Variants in LRRTM3 observed in about 807,000 individuals in gnomAD.
LRRTM3 encodes leucine-rich repeat transmembrane neuronal protein 3.
Under a neutral mutation model 44.7 loss-of-function variants are expected in LRRTM3, and 24 were observed. The ratio of observed to expected loss-of-function variants is 0.54; its 90% CI spans 0.39 to 0.76. LRRTM3 has a LOEUF of 0.76. Ranked by LOEUF, LRRTM3 falls within the 30% of genes least tolerant of loss-of-function variation. LRRTM3 has a pLI of 0.00. For missense variants in LRRTM3, 587 were observed against 702.2 expected, an observed-to-expected ratio of 0.84 and a Z score of 1.85; for synonymous variants, 277 against 278.7, an observed-to-expected ratio of 0.99 and a Z score of 0.06.
At chr10:66,994,165 C>T (rs1001641816) in intron 2 of LRRTM3, among the ~76,000 whole-genome samples, 1 of 151,988 alleles carries the variant, frequency 6.6e-6, no homozygotes, top group Admixed American at 6.6e-5. Context: ...GAAGGTCCCT[C>T]GTATAAAAAC....
At chr10:67,071,803 T>G (rs952940813) in intron 2 of LRRTM3, among the ~76,000 whole-genome samples, 9 of 152,172 alleles carry the variant, frequency 5.9e-5, no homozygotes, top group Admixed American at 1.3e-4. Flanking sequence ...ATTTTTCCCT[T>G]TTTCTTTCTA....
chr10:66,928,158 C>T lies in LRRTM3; in HGVS notation c.1242C>T (p.His414=). The T allele has an allele frequency of 2.5e-6, 4 of 1,614,118 alleles. No homozygotes were observed. Among genetic ancestry groups the T allele is most frequent in the Non-Finnish European group, 3.4e-6 (4 of 1,180,040 alleles). ...CAGAGACCGATGCTGACGCCGAGCA[C>T]ATCTCTTTCCATAAAATCATCGCGG... ...PGPETDADAE[H]ISFHKIIAGS... The change falls in exon 2 of 3, where the codon CAC becomes CAT. Residue 414 remains histidine, a synonymous_variant. Transcript: ENST00000361320.
Position 67,013,699 on chromosome 10 carries a change from G to A in LRRTM3, c.1537-83888G>A, listed in dbSNP as rs146642825. ...TAATTAATTTGAAGGAAGGTAATAG[G>A]CAGGTAAAGCAGCTCAGTATAATCA... On this transcript the variant is annotated intron_variant, in intron 2 of 2. Transcript: ENST00000361320. Among the ~76,000 whole-genome samples the A allele has an allele frequency of 1.3e-3, 195 of 152,286 alleles. 3 individuals are homozygous for A. The East Asian group carries it at 0.032, about 25-fold the overall frequency.
chr10:67,014,194 T>C (rs1852513004), intron 2 of LRRTM3, among the ~76,000 whole-genome samples: 1 of 152,220 alleles, frequency 6.6e-6, no homozygotes, highest in Non-Finnish European at 1.5e-5. Flanking sequence ...ATGCATGCTT[T>C]AGTGCTTCAC....
intron 2 of LRRTM3, among the ~76,000 whole-genome samples, chr10:67,051,758 ATTT>A (rs10582679): frequency 0.45 from 64,895 of 144,950 alleles, 14,654 homozygotes; most frequent in Middle Eastern, 0.62. Context: ...CTATCCTACA[ATTT>A]TTTTTTTTTT....
chr10:67,092,936 T>C (rs929974057), intron 2 of LRRTM3, among the ~76,000 whole-genome samples: 1 of 151,964 alleles, frequency 6.6e-6, no homozygotes, highest in African/African-American at 2.4e-5. Context: ...CAATAGCATA[T>C]AACGATTTTC....
intron 2 of LRRTM3, among the ~76,000 whole-genome samples, chr10:67,034,637 C>G (rs1198151229): frequency 6.6e-6 from 1 of 152,152 alleles, no homozygotes; most frequent in Non-Finnish European, 1.5e-5. Flanking sequence ...ACAAGAATGG[C>G]CGTGTGTTCT....
chr10:66,983,518 G>A (rs1434792893), intron 2 of LRRTM3, among the ~76,000 whole-genome samples: 1 of 150,408 alleles, frequency 6.6e-6, no homozygotes, highest in Non-Finnish European at 1.5e-5. Context: ...GTTCTTAATA[G>A]GTAGCCACTG....
At chr10:66,984,756 G>GA (rs1227120233) in intron 2 of LRRTM3, among the ~76,000 whole-genome samples, 3 of 152,172 alleles carry the variant, frequency 2.0e-5, no homozygotes, top group Admixed American at 1.3e-4. Context: ...ACAAAGAAAG[G>GA]AAAACGAAAA....
At chr10:66,974,836 T>A (rs1396819685) in intron 2 of LRRTM3, among the ~76,000 whole-genome samples, 2 of 152,076 alleles carry the variant, frequency 1.3e-5, no homozygotes, top group Admixed American at 1.3e-4. Flanking sequence ...TGTTGAAGAC[T>A]TTCATCTATA....
chr10:67,067,187 T>C (rs765547517), intron 2 of LRRTM3, among the ~76,000 whole-genome samples: 2 of 152,274 alleles, frequency 1.3e-5, no homozygotes, highest in Middle Eastern at 3.4e-3. Flanking sequence ...TAGCAAACTA[T>C]ATGGAGAAAT....
At chr10:66,958,779 A>C (rs1848967145) in intron 2 of LRRTM3, among the ~76,000 whole-genome samples, 1 of 152,144 alleles carries the variant, frequency 6.6e-6, no homozygotes, top group African/African-American at 2.4e-5. Context: ...ACACTCTTGC[A>C]TTTTGAGATC....
chr10:67,035,759 T>C (rs983026712), intron 2 of LRRTM3, among the ~76,000 whole-genome samples: 2 of 150,046 alleles, frequency 1.3e-5, no homozygotes, highest in African/African-American at 2.4e-5. Context: ...TGTATTGAGC[T>C]TTAATGTTAT....
At chr10:67,008,170 T>G (rs2133023595) in intron 2 of LRRTM3, among the ~76,000 whole-genome samples, 1 of 152,216 alleles carries the variant, frequency 6.6e-6, no homozygotes, top group South Asian at 2.1e-4. Flanking sequence ...ATTGATGAGT[T>G]CAGGAAAAAC....
chr10:67,028,629 ACAACAAG>A (rs1853533465), intron 2 of LRRTM3, among the ~76,000 whole-genome samples: 4 of 146,576 alleles, frequency 2.7e-5, no homozygotes, highest in African/African-American at 1.0e-4. Flanking sequence ...GATAACTGAT[ACAACAAG>A]CTAGTTCTAC....
chr10:67,010,278 A>G (rs1052063370), intron 2 of LRRTM3, among the ~76,000 whole-genome samples: 12 of 152,186 alleles, frequency 7.9e-5, no homozygotes, highest in Non-Finnish European at 1.0e-4. Context: ...AGGCAAATAT[A>G]CCTCCTTCCC....
intron 2 of LRRTM3, among the ~76,000 whole-genome samples, chr10:66,929,857 G>T (rs747752208): frequency 5.9e-5 from 9 of 152,158 alleles, no homozygotes; most frequent in Non-Finnish European, 1.2e-4. Flanking sequence ...AAGGTTTTTA[G>T]AAAGATATAT....
intron 2 of LRRTM3, among the ~76,000 whole-genome samples, chr10:67,025,372 G>A (rs1589622147): frequency 6.7e-6 from 1 of 150,102 alleles, no homozygotes; most frequent in Non-Finnish European, 1.5e-5. Context: ...ACATGGTTTT[G>A]TAAAGGCCAC....
At chr10:67,063,883 G>A (rs974122490) in intron 2 of LRRTM3, among the ~76,000 whole-genome samples, 12 of 152,062 alleles carry the variant, frequency 7.9e-5, no homozygotes, top group Admixed American at 7.9e-4. Context: ...AAATACTCTG[G>A]CCTCCTCTAG....
Sources: gnomAD v4.1 joint callset for allele counts (sites outside exome capture counted in the v4.1 genomes callset) on GRCh38, gnomAD v4.1.1 for gene constraint, MANE v1.5 for transcripts, NCBI Gene and HGNC (gene_info 2026-07-23, HGNC 2026-07-21) for gene names.